The following NXN variants were observed in gnomAD, a reference collection of about 807,000 sequenced individuals.
NXN encodes nucleoredoxin 1.
A neutral mutation model predicts 48.6 loss-of-function variants in NXN; 16 were observed. The observed-to-expected ratio is 0.33, with a 90% confidence interval of 0.22 to 0.50. The LOEUF (loss-of-function observed/expected upper bound fraction) is 0.50. Ranked by LOEUF, NXN falls within the 20% of genes least tolerant of loss-of-function variation. The pLI is 0.98. For missense variants in NXN, 492 were observed against 605.5 expected (o/e 0.81, Z 1.97); for synonymous variants, 281 against 269.6 (o/e 1.04, Z -0.41).
At chr17:860,146 CAT>C (rs1339366358) in intron 1 of NXN, among the ~76,000 whole-genome samples, 2 of 151,828 alleles carry the variant, frequency 1.3e-5, no homozygotes, top group African/African-American at 2.4e-5. Flanking sequence ...TTATTTAAGA[CAT>C]AGTCTTGCTC....
intron 6 of NXN, among the ~76,000 whole-genome samples, chr17:804,805 C>T (rs1477816374): frequency 6.6e-6 from 1 of 152,178 alleles, no homozygotes; most frequent in Non-Finnish European, 1.5e-5. Context: ...ATGGGGGCCC[C>T]GAGGGCATCC....
At chr17:868,616 C>G (rs1458214675) in intron 1 of NXN, among the ~76,000 whole-genome samples, 1 of 152,160 alleles carries the variant, frequency 6.6e-6, no homozygotes, top group African/African-American at 2.4e-5. Flanking sequence ...CTCAGCCTCC[C>G]GAGTAGCTGG....
At chr17:834,103 T>C (rs375655127) in intron 1 of NXN, among the ~76,000 whole-genome samples, 1 of 152,286 alleles carries the variant, frequency 6.6e-6, no homozygotes, top group East Asian at 1.9e-4. Context: ...GTGGATCGCT[T>C]GAGCCCAGGA....
chr17:802,169 T>C (rs1911246041), intron 7 of NXN, among the ~76,000 whole-genome samples: 1 of 152,150 alleles, frequency 6.6e-6, no homozygotes, highest in African/African-American at 2.4e-5. Flanking sequence ...TTGCCCCAGC[T>C]GGAGTGAAGT....
intron 1 of NXN, among the ~76,000 whole-genome samples, chr17:866,564 T>C (rs771323640): frequency 8.5e-5 from 13 of 152,140 alleles, no homozygotes; most frequent in Non-Finnish European, 1.8e-4. Flanking sequence ...AGAGACCCCA[T>C]CTCAATAAAT....
chr17:853,362 C>T (rs1175563834), intron 1 of NXN, among the ~76,000 whole-genome samples: 1 of 151,878 alleles, frequency 6.6e-6, no homozygotes, highest in Admixed American at 6.6e-5. Context: ...GCAGGAGAAT[C>T]GCTTGAACCT....
chr17:969,863 C>T (rs1295113691), intron 1 of NXN, among the ~76,000 whole-genome samples: 1 of 152,128 alleles, frequency 6.6e-6, no homozygotes, highest in African/African-American at 2.4e-5. Flanking sequence ...CAGCAGAACT[C>T]ACCACACCCT....
intron 1 of NXN, among the ~76,000 whole-genome samples, chr17:857,739 C>T (rs953532203): frequency 7.9e-5 from 12 of 152,136 alleles, no homozygotes; most frequent in African/African-American, 2.9e-4. Context: ...GGGCAGGGGG[C>T]AAGCATCCTC....
chr17:964,385 A>T (rs2069278082), intron 1 of NXN, among the ~76,000 whole-genome samples: 1 of 152,198 alleles, frequency 6.6e-6, no homozygotes, highest in Admixed American at 6.5e-5. Context: ...GGGCTTCAAA[A>T]AGCGCTTCAG....
chr17:816,430 G>C (rs1295992077), intron 5 of NXN, among the ~76,000 whole-genome samples: 1 of 151,972 alleles, frequency 6.6e-6, no homozygotes, highest in Non-Finnish European at 1.5e-5. Flanking sequence ...GCAAGAAAAC[G>C]TGTCGGCCGG....
At chr17:863,564 G>A (rs889152491) in intron 1 of NXN, among the ~76,000 whole-genome samples, 3 of 152,128 alleles carry the variant, frequency 2.0e-5, no homozygotes, top group Admixed American at 6.6e-5. Flanking sequence ...TGGCTCAAGC[G>A]ATCCTCCTGA....
intron 1 of NXN, among the ~76,000 whole-genome samples, chr17:959,863 C>T (rs190267844): frequency 6.6e-6 from 1 of 150,688 alleles, no homozygotes; most frequent in African/African-American, 2.4e-5. Flanking sequence ...GAGGCTGAGG[C>T]GGGTGGATTA....
At chr17:930,977 G>T (rs562786683) in intron 1 of NXN, among the ~76,000 whole-genome samples, 2 of 152,080 alleles carry the variant, frequency 1.3e-5, no homozygotes, top group Non-Finnish European at 2.9e-5. Context: ...CACCATGTTG[G>T]TCAGGCTGGT....
At chr17:802,983 G>A (rs1453605269) in intron 7 of NXN, among the ~76,000 whole-genome samples, 2 of 152,208 alleles carry the variant, frequency 1.3e-5, no homozygotes, top group Non-Finnish European at 2.9e-5. Flanking sequence ...GCATGGAGGA[G>A]GCTCCTGGGT....
At chr17:836,484 T>G (rs534115480) in intron 1 of NXN, among the ~76,000 whole-genome samples, 1 of 152,152 alleles carries the variant, frequency 6.6e-6, no homozygotes, top group African/African-American at 2.4e-5. Flanking sequence ...GCTCTCACCC[T>G]TTCTAACCCC....
At chr17:875,464 T>C (rs1297850216) in intron 1 of NXN, among the ~76,000 whole-genome samples, 3 of 152,220 alleles carry the variant, frequency 2.0e-5, no homozygotes, top group Non-Finnish European at 2.9e-5. Flanking sequence ...CACTGAATCA[T>C]AAATCAGAGA....
chr17:946,054 G>A (rs1011819472), intron 1 of NXN, among the ~76,000 whole-genome samples: 3 of 152,182 alleles, frequency 2.0e-5, no homozygotes, highest in Non-Finnish European at 4.4e-5. Context: ...GGGAAAGGGA[G>A]AGAGAGAAAG....
At position 875,379 on chromosome 17, in the gene NXN, T is replaced by A. The variant is rs917048010; in HGVS notation, c.361-49301A>T. On this transcript the variant is annotated intron_variant, in intron 1 of 7. Transcript: ENST00000336868. ...CACAACAGAATCTTCTATACTATTA[T>A]CAACAACCCCATTGAGCAGATCAGC... Among the ~76,000 whole-genome samples, 9 of 152,114 alleles carry A rather than the reference T, an allele frequency of 5.9e-5. No homozygotes were observed. In the East Asian group the frequency reaches 1.7e-3, roughly 29 times the overall value.
chr17:943,310 G>C (rs1284519055), intron 1 of NXN, among the ~76,000 whole-genome samples: 2 of 152,056 alleles, frequency 1.3e-5, no homozygotes, highest in Admixed American at 1.3e-4. Context: ...CAGGTTCGAG[G>C]ACCTCCAGAG....
Sources: gnomAD v4.1 joint callset for allele counts (sites outside exome capture counted in the v4.1 genomes callset) on GRCh38, gnomAD v4.1.1 for gene constraint, MANE v1.5 for transcripts, NCBI Gene and HGNC (gene_info 2026-07-23, HGNC 2026-07-21) for gene names.